Variants in C1S observed in about 807,000 individuals in gnomAD.
C1S encodes complement C1s subcomponent.
A neutral mutation model predicts 54.0 loss-of-function variants in C1S; 31 were observed. That is an observed-to-expected ratio of 0.57 (90% CI 0.43 to 0.78). The LOEUF (loss-of-function observed/expected upper bound fraction) is 0.78. Ranked by LOEUF, C1S falls within the 30% of genes least tolerant of loss-of-function variation. The probability of loss-of-function intolerance (pLI) is 0.00; values close to 1 mark genes in which losing one functional copy is unlikely to be tolerated. For synonymous variants in C1S, 292 were observed against 303.6 expected (o/e 0.96, Z 0.40); for missense variants, 727 against 851.8 (o/e 0.85, Z 1.82).
rs782317715 is a variant in C1S at position 7,070,098 on chromosome 12, C to T, written c.1514C>T (p.Pro505Leu). 2.5e-6 allele frequency: 4 copies of T among 1,614,128 alleles called. No homozygotes were observed. The African/African-American group carries it at 4.0e-5, about 16-fold the overall frequency. Residue 505 changes from proline (P) to leucine (L), a missense_variant, in exon 12 of 12, where the codon CCT becomes CTT. Physicochemically the swap from Pro to Leu is moderately conservative, Grantham distance 98 (BLOSUM62 -3). Around this residue, in one of 3 missense-constraint regions of C1S, gnomAD observed 360 missense variants for 453.6 expected, o/e 0.79. Transcript: ENST00000360817. This position sits in a 1 kb window ranked among gnomAD's most constrained non-coding sequence, Gnocchi z 4.9. The stretch of plus-strand genomic sequence containing the variant: ...CTGGCAAAATCCAAGATGCTCACTC[C>T]TGAGCATGTGTTTATTCATCCGGGA... ...SRLAKSKMLT[P>L]EHVFIHPGWK...
At chr12:7,067,955 T>G in intron 10 of C1S, 184 bp downstream of exon 10, 1 of 692,832 alleles carries the variant, frequency 1.4e-6, no homozygotes, top group Non-Finnish European at 2.6e-6. Flanking sequence ...CAGGGGAGCA[T>G]CAGCCTCAGG....
intron 11 of C1S, 42 bp downstream of exon 11, chr12:7,068,572 T>G (rs2135728117): frequency 7.5e-7 from 1 of 1,335,376 alleles, no homozygotes; most frequent in Non-Finnish European, 1.1e-6. Flanking sequence ...TAGCCATGGG[T>G]GACTGGGAGT....
intron 10 of C1S, 49 bp downstream of exon 10, chr12:7,067,820 G>A (rs782474091): frequency 1.3e-6 from 2 of 1,581,456 alleles, no homozygotes; most frequent in Non-Finnish European, 1.7e-6. Context: ...GAAGGTGTTG[G>A]AGGGTGGATA....
intron 1 of C1S, chr12:7,061,362 G>C (rs1246563977): frequency 1.1e-5 from 2 of 186,756 alleles, no homozygotes; most frequent in Admixed American, 1.1e-4. Context: ...CATCAGCGGA[G>C]ATGCACGCAA....
chr12:7,067,411 G>A, intron 9 of C1S: 2 of 675,370 alleles, frequency 3.0e-6, no homozygotes, highest in South Asian at 3.3e-5. Context: ...CTGAGAACCA[G>A]GCTCTTCACT....
rs752079983 is a variant in C1S, at chr12:7,069,629, G to A, written c.1271-226G>A. On this transcript the variant is annotated intron_variant, in intron 11 of 11. Coordinates refer to ENST00000360817, the MANE Select transcript of C1S (RefSeq NM_001734.5). Reference sequence around the variant, plus strand: ...ACTCAGTGATTCACACACTGCCTCCGTTTAACTGAGCTCTCCCATGAGCCA... The same window carrying A: ...ACTCAGTGATTCACACACTGCCTCCATTTAACTGAGCTCTCCCATGAGCCA... Among the ~76,000 whole-genome samples the A allele has an allele frequency of 2.4e-3, 368 of 152,348 alleles. 9 individuals carry two copies. The South Asian group carries it at 0.04, about 17-fold the overall frequency.
At chr12:7,062,012 G>A in intron 2 of C1S, 95 bp downstream of exon 2, 2 of 1,240,744 alleles carry the variant, frequency 1.6e-6, no homozygotes, top group East Asian at 4.7e-5. Context: ...GCTCACACCT[G>A]TAACCCCAGC....
intron 9 of C1S, 100 bp from the exon 10 acceptor site, chr12:7,067,543 G>C: frequency 7.4e-7 from 1 of 1,349,890 alleles, no homozygotes; most frequent in Non-Finnish European, 1.1e-6. Context: ...TGTGCCTGTG[G>C]ATATGGGGTG....
chr12:7,067,898 C>T (rs1157118750), intron 10 of C1S, 127 bp downstream of exon 10: 1 of 1,023,704 alleles, frequency 9.8e-7, no homozygotes, highest in African/African-American at 1.6e-5. Flanking sequence ...TGTTCATCCC[C>T]TTGGCTTCGT....
Position 7,065,091 on chromosome 12 carries a change from C to G in C1S, c.518-9C>G. On this transcript the variant is annotated splice_polypyrimidine_tract_variant and intron_variant, in intron 5 of 11. Coordinates refer to ENST00000360817, the MANE Select transcript of C1S (RefSeq NM_001734.5). ...TATTTGATTCTCCCTTTCTCTTTTTCTCTGTTAGTTAATTGCAGTGGGGAT... is the reference window on the plus strand; with the variant it reads ...TATTTGATTCTCCCTTTCTCTTTTTGTCTGTTAGTTAATTGCAGTGGGGAT... The G allele has an allele frequency of 6.2e-7, 1 of 1,607,636 alleles. No individual in the cohort carries two copies. Among genetic ancestry groups the G allele is most frequent in the Non-Finnish European group, 8.5e-7 (1 of 1,174,146 alleles).
intron 1 of C1S, 107 bp from the exon 2 acceptor site, chr12:7,061,732 T>C: frequency 1.4e-6 from 1 of 708,316 alleles, no homozygotes. Flanking sequence ...GATATGGCCC[T>C]GTGTGTTATA....
In C1S at chr12:7,070,054, C is replaced by T. The variant is rs1455806277; in HGVS notation, c.1470C>T (p.Thr490=). ...NREPTMYVGS[T]SVQTSRLAKS... is the part of the protein sequence containing the mutation. ...AGCCAACAATGTATGTTGGGTCCAC[C>T]TCAGTGCAGACCTCACGGCTGGCAA... The change falls in exon 12 of 12, where the codon ACC becomes ACT. Residue 490 remains threonine (T), a synonymous_variant. Coordinates refer to ENST00000360817, the MANE Select transcript of C1S (RefSeq NM_001734.5). The surrounding 1 kb of genome is among the most constrained non-coding windows in gnomAD (Gnocchi z 4.9). The T allele has an allele frequency of 3.7e-6, 6 of 1,613,974 alleles. No individual in the cohort carries two copies. The highest frequency in any genetic ancestry group is 5.1e-6 in the Non-Finnish European group (6 of 1,179,978).
At chr12:7,069,833 G>GTGT (rs1555162879) in intron 11 of C1S, 22 bp from the exon 12 acceptor site, 2 of 1,593,466 alleles carry the variant, frequency 1.3e-6, no homozygotes, top group South Asian at 2.2e-5. Flanking sequence ...CTCCTTCCCT[G>GTGT]TGTTGTTTTA....
intron 10 of C1S, 23 bp from the exon 11 acceptor site, chr12:7,068,433 C>G: frequency 6.4e-7 from 1 of 1,570,904 alleles, no homozygotes; most frequent in Non-Finnish European, 8.8e-7. Context: ...TGAGTGTGGC[C>G]TGTGTTCTCT....
At position 7,064,937 on chromosome 12, in the gene C1S, C is replaced by T. The variant is rs7968584; in HGVS notation, c.518-163C>T. 0.28 allele frequency among the ~76,000 whole-genome samples: 42,939 copies of T among 152,034 alleles called. 7,115 individuals are homozygous for T. Among genetic ancestry groups the T allele is most frequent in the African/African-American group, 0.47 (19,484 of 41,440 alleles). ...TAGGGATTGGGTATTCCTACTGATA[C>T]GTATTGCACGTGTAATTGCTCTATC... On this transcript the variant is annotated intron_variant, in intron 5 of 11. Coordinates refer to ENST00000360817, the MANE Select transcript of C1S (RefSeq NM_001734.5).
chr12:7,062,352 C>A, intron 2 of C1S, 123 bp from the exon 3 acceptor site: 5 of 747,362 alleles, frequency 6.7e-6, no homozygotes, highest in Non-Finnish European at 9.5e-6. Flanking sequence ...ACCTAAGATT[C>A]TCCCCCATGG....
At chr12:7,065,350 C>A in intron 6 of C1S, 51 bp downstream of exon 6, 1 of 1,443,480 alleles carries the variant, frequency 6.9e-7, no homozygotes, top group Non-Finnish European at 9.7e-7. Context: ...AGAGAGATCT[C>A]TCCCTGAAGA....
intron 6 of C1S, 99 bp from the exon 7 acceptor site, chr12:7,065,718 A>G: frequency 9.9e-7 from 1 of 1,008,642 alleles, no homozygotes; most frequent in East Asian, 2.4e-5. Context: ...TTCTTATTTT[A>G]TGTGACATTT....
chr12:7,066,596 T>C lies in C1S; in HGVS notation c.950T>C (p.Val317Ala). The C allele has an allele frequency of 6.2e-7, 1 of 1,613,804 alleles. No homozygotes were observed. The highest frequency in any genetic ancestry group is 2.2e-5 in the East Asian group (1 of 44,892). ...GCAAAATATGTCTTTAGAGATGTGG[T>C]GCAGATAACCTGTCTGGATGGGTTT... The part of the protein sequence containing the change: ...AKAKYVFRDV[V>A]QITCLDGFEV... Residue 317 changes from valine to alanine, a missense_variant, in exon 8 of 12, where the codon GTG becomes GCG. Around this residue, in one of 3 missense-constraint regions of C1S, gnomAD observed 10 missense variants for 32.8 expected, o/e 0.30. Coordinates refer to ENST00000360817, the MANE Select transcript of C1S (RefSeq NM_001734.5).
Sources: allele counts gnomAD v4.1 joint callset (sites outside exome capture counted in the v4.1 genomes callset), GRCh38; gene constraint gnomAD v4.1.1; regional missense constraint gnomAD v4.1.1; non-coding constraint Gnocchi (gnomAD v3.1); transcripts MANE v1.5; gene names NCBI Gene and HGNC (gene_info 2026-07-23, HGNC 2026-07-21).